Variants in STK38 observed in about 807,000 individuals in gnomAD.
The protein encoded by STK38 is serine/threonine kinase 38.
In STK38, 26 loss-of-function variants were observed where a neutral mutation model predicts 59.0. That is an observed-to-expected ratio of 0.44 (90% CI 0.32 to 0.61). The LOEUF (loss-of-function observed/expected upper bound fraction) is 0.61, where lower values mean the gene tolerates loss of function less well. Ranked by LOEUF, STK38 falls within the 20% of genes least tolerant of loss-of-function variation. The pLI is 0.04. For missense variants in STK38, 433 were observed against 566.0 expected (o/e 0.76, Z 2.38); for synonymous variants, 175 against 176.6 (o/e 0.99, Z 0.07).
At chr6:36,499,179 G>T (rs1776778062) in intron 10 of STK38, among the ~76,000 whole-genome samples, 1 of 152,108 alleles carries the variant, frequency 6.6e-6, no homozygotes. Flanking sequence ...ACCCTTATAT[G>T]GGTAAAGTAC....
At chr6:36,516,094 T>C (rs1052556463) in intron 6 of STK38, among the ~76,000 whole-genome samples, 3 of 152,240 alleles carry the variant, frequency 2.0e-5, no homozygotes, top group Admixed American at 1.3e-4. Context: ...AACTGCCTCC[T>C]GGAAGAGTAC....
At chr6:36,513,267 C>T (rs1777156151) in intron 7 of STK38, among the ~76,000 whole-genome samples, 3 of 151,326 alleles carry the variant, frequency 2.0e-5, no homozygotes, top group Admixed American at 2.0e-4. Flanking sequence ...ATCCACCCAC[C>T]TTGGCCTCCC....
chr6:36,503,857 CTT>C (rs1381330638), intron 9 of STK38, among the ~76,000 whole-genome samples: 3 of 152,214 alleles, frequency 2.0e-5, no homozygotes, highest in Admixed American at 6.5e-5. Flanking sequence ...TTTTACCACA[CTT>C]TTTACCACAC....
intron 7 of STK38, among the ~76,000 whole-genome samples, chr6:36,513,017 T>C (rs1777150676): frequency 6.6e-6 from 1 of 151,830 alleles, no homozygotes; most frequent in South Asian, 2.1e-4. Flanking sequence ...ACCATGTTTA[T>C]GCATTATTAT....
At chr6:36,526,092 A>T (rs1777503879) in intron 2 of STK38, among the ~76,000 whole-genome samples, 1 of 152,106 alleles carries the variant, frequency 6.6e-6, no homozygotes, top group African/African-American at 2.4e-5. Flanking sequence ...TGACCTTCCA[A>T]AGTGTTGCGA....
chr6:36,519,017 CTTCCAT>C (rs1217934415), intron 5 of STK38, among the ~76,000 whole-genome samples: 2 of 152,188 alleles, frequency 1.3e-5, no homozygotes, highest in Non-Finnish European at 2.9e-5. Flanking sequence ...TTCCATTACT[CTTCCAT>C]TTCAACACCC....
intron 9 of STK38, 42 bp from the exon 10 acceptor site, chr6:36,500,032 G>C (rs749315351): frequency 1.0e-5 from 15 of 1,475,644 alleles, no homozygotes; most frequent in Non-Finnish European, 1.3e-5. Context: ...AGCCAGGCAG[G>C]AGGTGCCCAG....
chr6:36,515,242 C>A, intron 7 of STK38, 96 bp downstream of exon 7: 1 of 1,418,436 alleles, frequency 7.1e-7, no homozygotes, highest in Non-Finnish European at 9.4e-7. Flanking sequence ...CAGGTCACAG[C>A]TCGCCCACTG....
chr6:36,532,567 G>A (rs547201159), intron 2 of STK38, among the ~76,000 whole-genome samples: 39 of 152,172 alleles, frequency 2.6e-4, no homozygotes, highest in Non-Finnish European at 4.6e-4. Context: ...CTTGAGGTCA[G>A]GAACTCAAGA....
At chr6:36,535,362 T>C (rs1005735054) in intron 2 of STK38, among the ~76,000 whole-genome samples, 12 of 151,828 alleles carry the variant, frequency 7.9e-5, no homozygotes, top group Admixed American at 3.9e-4. Context: ...AGCAGGAGAA[T>C]TGCTTGAACA....
chr6:36,513,848 TAAAAAAA>T (rs1178706954), intron 7 of STK38, among the ~76,000 whole-genome samples: 7 of 63,886 alleles, frequency 1.1e-4, no homozygotes, highest in African/African-American at 2.7e-4. Flanking sequence ...TACTAAAAAT[TAAAAAAA>T]AAAAAAAAAA....
At chr6:36,529,747 AAGTC>A (rs1345404327) in intron 2 of STK38, among the ~76,000 whole-genome samples, 1 of 152,206 alleles carries the variant, frequency 6.6e-6, no homozygotes, top group Non-Finnish European at 1.5e-5. Flanking sequence ...AAATTTTAAA[AAGTC>A]AGAATGTATA....
At chr6:36,521,980 G>C (rs1777387644) in intron 4 of STK38, among the ~76,000 whole-genome samples, 163 bp from the exon 5 acceptor site, 1 of 152,182 alleles carries the variant, frequency 6.6e-6, no homozygotes, top group African/African-American at 2.4e-5. Flanking sequence ...GTTCCAAAAT[G>C]AATACATTAC....
At chr6:36,539,105 C>T (rs1166217994) in intron 2 of STK38, among the ~76,000 whole-genome samples, 5 of 136,218 alleles carry the variant, frequency 3.7e-5, no homozygotes. Flanking sequence ...TTATGAGTTA[C>T]AGCCAAGCAG....
chr6:36,529,656 A>C (rs1038835567), intron 2 of STK38, among the ~76,000 whole-genome samples: 2 of 152,186 alleles, frequency 1.3e-5, no homozygotes, highest in Non-Finnish European at 2.9e-5. Flanking sequence ...AGTCCTTCTG[A>C]AGGCAGGGAC....
intron 2 of STK38, among the ~76,000 whole-genome samples, chr6:36,533,307 G>C (rs370423501): frequency 6.6e-6 from 1 of 152,026 alleles, no homozygotes; most frequent in Non-Finnish European, 1.5e-5. Context: ...ACCACCACAC[G>C]TGGCTTACTG....
At chr6:36,498,289 CAA>C in intron 11 of STK38, 72 bp downstream of exon 11, 3 of 1,556,882 alleles carry the variant, frequency 1.9e-6, no homozygotes, top group East Asian at 4.5e-5. Flanking sequence ...CAGGAGATAA[CAA>C]AAGTTTTTAA....
At chr6:36,544,316 C>T (rs1225880842) in intron 1 of STK38, among the ~76,000 whole-genome samples, 2 of 151,544 alleles carry the variant, frequency 1.3e-5, no homozygotes, top group Non-Finnish European at 2.9e-5. Flanking sequence ...TAGAGTATCA[C>T]TAAAGGAATT....
intron 10 of STK38, 86 bp from the exon 11 acceptor site, chr6:36,498,572 CTTTTTTTTTCTTTTTTCTT>C (rs1168531285): frequency 8.5e-7 from 1 of 1,177,334 alleles, no homozygotes; most frequent in Non-Finnish European, 1.2e-6. Flanking sequence ...AATTCTATGT[CTTTTTTTTTCTTTTTTCTT>C]TTTTTTTTTT....
Sources: allele counts gnomAD v4.1 joint callset (sites outside exome capture counted in the v4.1 genomes callset), GRCh38; gene constraint gnomAD v4.1.1; transcripts MANE v1.5; gene names NCBI Gene and HGNC (gene_info 2026-07-23, HGNC 2026-07-21).